The following PTPRD variants were observed in gnomAD, a reference collection of about 807,000 sequenced individuals.
PTPRD encodes the protein protein tyrosine phosphatase receptor type D, also known as receptor-type tyrosine-protein phosphatase delta.
Under a neutral mutation model 214.5 loss-of-function variants are expected in PTPRD, and 34 were observed. The ratio of observed to expected loss-of-function variants is 0.16; its 90% confidence interval spans 0.12 to 0.21. The LOEUF is 0.21. Ranked by LOEUF, PTPRD falls within the 10% of genes least tolerant of loss-of-function variation. The probability of loss-of-function intolerance (pLI) is 1.00; values close to 1 mark genes in which losing one functional copy is unlikely to be tolerated. For missense variants in PTPRD, 2,545 were observed against 2,398.7 expected (o/e 1.06, Z -1.27); for synonymous variants, 1,128 against 845.7 (o/e 1.33, Z -5.79).
At chr9:8,391,139 A>AT (rs140311395) in intron 36 of PTPRD, among the ~76,000 whole-genome samples, 13,243 of 149,876 alleles carry the variant, frequency 0.088, 714 homozygotes, top group Non-Finnish European at 0.12. Flanking sequence ...CGGGGTAACC[A>AT]TTTTTTTTTT....
intron 3 of PTPRD, among the ~76,000 whole-genome samples, chr9:10,128,155 G>T (rs755092595): frequency 3.3e-5 from 5 of 151,956 alleles, no homozygotes; most frequent in Non-Finnish European, 7.4e-5. Context: ...TTCCACATGA[G>T]TCCTTTGCTT....
chr9:9,978,826 T>C (rs1227993528), intron 4 of PTPRD, among the ~76,000 whole-genome samples: 2 of 151,956 alleles, frequency 1.3e-5, no homozygotes, highest in Non-Finnish European at 2.9e-5. Context: ...CTGAGATACA[T>C]CTCAGTCACA....
chr9:9,386,381 A>C (rs1431469451), intron 9 of PTPRD, among the ~76,000 whole-genome samples: 4 of 152,096 alleles, frequency 2.6e-5, no homozygotes, highest in African/African-American at 9.7e-5. Flanking sequence ...TATGTCAAGC[A>C]ACATATTTTA....
At chr9:9,769,272 C>G (rs373462838) in intron 5 of PTPRD, among the ~76,000 whole-genome samples, 119 of 143,136 alleles carry the variant, frequency 8.3e-4, no homozygotes, top group African/African-American at 2.9e-3. Flanking sequence ...GTCAAGCTTA[C>G]AGGGTGGACA....
intron 9 of PTPRD, among the ~76,000 whole-genome samples, chr9:9,203,170 C>T (rs996753): frequency 0.19 from 29,584 of 151,890 alleles, 3,508 homozygotes; most frequent in Middle Eastern, 0.29. Context: ...GCGGAGGTTG[C>T]AGCGAGCCGA....
At chr9:8,746,237 A>T (rs1422391289) in intron 11 of PTPRD, among the ~76,000 whole-genome samples, 1 of 152,228 alleles carries the variant, frequency 6.6e-6, no homozygotes, top group Non-Finnish European at 1.5e-5. Flanking sequence ...GCCTGAGTGC[A>T]CTTTATTACG....
intron 2 of PTPRD, among the ~76,000 whole-genome samples, chr9:10,514,291 ACTC>A (rs2049263774): frequency 1.3e-5 from 2 of 151,446 alleles, no homozygotes; most frequent in African/African-American, 4.8e-5. Context: ...TTTTTTATAA[ACTC>A]TTCTTTGGGG....
Position 8,521,509 on chromosome 9 carries a change from A to T in PTPRD, c.729T>A (p.Thr243=), listed in dbSNP as rs746287216. The T allele has an allele frequency of 6.2e-7, 1 of 1,613,964 alleles. No individual in the cohort carries two copies. Among genetic ancestry groups the T allele is most frequent in the Admixed American group, 1.7e-5 (1 of 60,002 alleles). ...TTCCGCCTGGCATGATTTCATGATT[A>T]GTGGGTGGGATAGAGAATCTTGGTG... is the stretch of plus-strand genomic sequence containing the variant. ...RVPPRFSIPP[T]NHEIMPGGSV... The change falls in exon 20 of 46, where the codon ACT becomes ACA. Residue 243 remains threonine (T), a synonymous_variant. Transcript: ENST00000381196.
At chr9:10,513,365 A>G (rs894556537) in intron 2 of PTPRD, among the ~76,000 whole-genome samples, 2 of 152,142 alleles carry the variant, frequency 1.3e-5, no homozygotes, top group Admixed American at 6.6e-5. Flanking sequence ...TTAGTTTAGG[A>G]GGAAGTTAAA....
rs1479209689 is a variant in PTPRD, at chr9:10,612,955, A to G, written c.-975T>C. On this transcript the variant is annotated 5_prime_UTR_variant, in exon 1 of 46. Transcript: ENST00000381196. ...GGGGAGCCGAGGCGGCCGCTCCCGCACTCGCTCGCTCGCTCGCTGGCGCTC... is the reference window on the plus strand; with the variant it reads ...GGGGAGCCGAGGCGGCCGCTCCCGCGCTCGCTCGCTCGCTCGCTGGCGCTC... 6.6e-6 allele frequency among the ~76,000 whole-genome samples: 1 copy of G among 150,560 alleles called. No homozygotes were observed. The highest frequency in any genetic ancestry group is 1.5e-5 in the Non-Finnish European group (1 of 67,632).
chr9:9,949,911 C>A (rs950268313), intron 4 of PTPRD, among the ~76,000 whole-genome samples: 1 of 152,082 alleles, frequency 6.6e-6, no homozygotes. Context: ...CCAGTATTAT[C>A]AAAAAATTTG....
chr9:9,391,688 T>C (rs1430298803), intron 9 of PTPRD, among the ~76,000 whole-genome samples: 1 of 152,178 alleles, frequency 6.6e-6, no homozygotes, highest in African/African-American at 2.4e-5. Flanking sequence ...TTCTCTTCCA[T>C]TTATAGTAAT....
chr9:9,218,843 C>A (rs1156641409), intron 9 of PTPRD, among the ~76,000 whole-genome samples: 1 of 152,262 alleles, frequency 6.6e-6, no homozygotes, highest in East Asian at 1.9e-4. Context: ...GACAATCACA[C>A]CCCACATTCT....
At chr9:9,927,654 C>T (rs2084816491) in intron 5 of PTPRD, among the ~76,000 whole-genome samples, 1 of 152,226 alleles carries the variant, frequency 6.6e-6, no homozygotes, top group South Asian at 2.1e-4. Context: ...ATACACCGTG[C>T]ATCTCCTATG....
At chr9:9,947,776 T>C (rs2092978712) in intron 4 of PTPRD, among the ~76,000 whole-genome samples, 2 of 146,098 alleles carry the variant, frequency 1.4e-5, no homozygotes, top group Non-Finnish European at 3.0e-5. Context: ...ACTTTTCCTA[T>C]AACATGTATG....
chr9:9,712,531 G>T (rs554548193), intron 7 of PTPRD, among the ~76,000 whole-genome samples: 106 of 152,220 alleles, frequency 7.0e-4, no homozygotes, highest in African/African-American at 2.5e-3. Flanking sequence ...ACGAGTAAAG[G>T]TTCCTTCCTC....
At chr9:9,355,311 G>C (rs1267063259) in intron 9 of PTPRD, among the ~76,000 whole-genome samples, 1 of 151,632 alleles carries the variant, frequency 6.6e-6, no homozygotes, top group East Asian at 1.9e-4. Context: ...TAGAAGCATG[G>C]AGATCCATCA....
chr9:9,331,061 A>C (rs1045101405), intron 9 of PTPRD, among the ~76,000 whole-genome samples: 1 of 152,108 alleles, frequency 6.6e-6, no homozygotes, highest in Admixed American at 6.6e-5. Context: ...GAGTCTAAGC[A>C]AACATGAAGA....
At chr9:10,025,145 C>T (rs539225379) in intron 4 of PTPRD, among the ~76,000 whole-genome samples, 109 of 152,144 alleles carry the variant, frequency 7.2e-4, no homozygotes, top group African/African-American at 2.6e-3. Flanking sequence ...GGTATATACC[C>T]AGTAATGGGA....
Sources: allele counts gnomAD v4.1 joint callset (sites outside exome capture counted in the v4.1 genomes callset), GRCh38; gene constraint gnomAD v4.1.1; transcripts MANE v1.5; gene names NCBI Gene and HGNC (gene_info 2026-07-23, HGNC 2026-07-21).